CNTNAP5: variants seen among roughly 807,000 people sequenced by gnomAD.
The protein encoded by CNTNAP5 is contactin associated protein family member 5.
A neutral mutation model predicts 150.2 loss-of-function variants in CNTNAP5; 72 were observed. The ratio of observed to expected loss-of-function variants is 0.48; its 90% confidence interval spans 0.40 to 0.58. The LOEUF is 0.58. CNTNAP5 is among the 20% of genes least tolerant of loss of function. The pLI, the probability that CNTNAP5 is intolerant of heterozygous loss-of-function variation, is 0.00. For synonymous variants in CNTNAP5, 672 were observed against 619.8 expected, an observed-to-expected ratio of 1.08 and a Z score of -1.25; for missense variants, 1,636 against 1,626.2, an observed-to-expected ratio of 1.01 and a Z score of -0.10.
intron 3 of CNTNAP5, among the ~76,000 whole-genome samples, chr2:124,389,702 C>T: frequency 6.6e-6 from 1 of 152,166 alleles, no homozygotes. Context: ...TGCAGTGGCT[C>T]ATGCCTGTAA....
Position 124,885,420 on chromosome 2 carries a change from C to T in CNTNAP5, c.3436+15658C>T, listed in dbSNP as rs1225384065. ...CACATCCTCAGACCATTATAATACC[C>T]TCTCTTTATTTTTTATTGAAGTGAA... is the stretch of plus-strand genomic sequence containing the variant. On this transcript the variant is annotated intron_variant, in intron 21 of 23. Transcript: ENST00000682447. Among the ~76,000 whole-genome samples the T allele has an allele frequency of 4.6e-5, 7 of 152,074 alleles. No homozygotes were observed. In the East Asian group the frequency reaches 9.7e-4, roughly 21 times the overall value.
intron 11 of CNTNAP5, among the ~76,000 whole-genome samples, chr2:124,600,731 CAGAG>C (rs374118230): frequency 0.01 from 1,248 of 123,958 alleles, 15 homozygotes; most frequent in African/African-American, 0.028. Context: ...CAACAATACT[CAGAG>C]AGAGAGAGAG....
At chr2:124,160,672 T>C (rs955607478) in intron 1 of CNTNAP5, among the ~76,000 whole-genome samples, 1 of 152,178 alleles carries the variant, frequency 6.6e-6, no homozygotes, top group African/African-American at 2.4e-5. Context: ...ATATACATAA[T>C]GCAGTTTTGA....
At chr2:124,257,493 C>T (rs968902809) in intron 3 of CNTNAP5, among the ~76,000 whole-genome samples, 1 of 152,194 alleles carries the variant, frequency 6.6e-6, no homozygotes, top group Non-Finnish European at 1.5e-5. Flanking sequence ...CTGGAATTCT[C>T]CTTCAAATTC....
intron 7 of CNTNAP5, among the ~76,000 whole-genome samples, chr2:124,476,757 G>A (rs1693649788): frequency 6.6e-6 from 1 of 152,114 alleles, no homozygotes; most frequent in African/African-American, 2.4e-5. Context: ...TGGCTCAGTG[G>A]AAATGGGGCC....
intron 1 of CNTNAP5, among the ~76,000 whole-genome samples, chr2:124,178,839 A>C (rs905179836): frequency 5.9e-5 from 9 of 152,098 alleles, no homozygotes; most frequent in Non-Finnish European, 1.3e-4. Context: ...ATAGCCTGTA[A>C]ATAGATAGCA....
intron 19 of CNTNAP5, among the ~76,000 whole-genome samples, chr2:124,842,865 G>A (rs552917131): frequency 5.3e-5 from 8 of 152,026 alleles, no homozygotes; most frequent in Non-Finnish European, 1.2e-4. Context: ...TGCCTCATGA[G>A]AAATTCTCAA....
intron 21 of CNTNAP5, among the ~76,000 whole-genome samples, chr2:124,883,301 A>G (rs999532020): frequency 6.6e-6 from 1 of 151,890 alleles, no homozygotes; most frequent in Admixed American, 6.6e-5. Flanking sequence ...GGCTCAAGCA[A>G]TCTATGTGTC....
At chr2:124,291,555 T>C (rs1688293724) in intron 3 of CNTNAP5, among the ~76,000 whole-genome samples, 1 of 151,950 alleles carries the variant, frequency 6.6e-6, no homozygotes, top group Non-Finnish European at 1.5e-5. Flanking sequence ...TTTTTTTTTT[T>C]ATATGCGTAG....
At chr2:124,514,861 G>A (rs993726675) in intron 8 of CNTNAP5, among the ~76,000 whole-genome samples, 4 of 152,206 alleles carry the variant, frequency 2.6e-5, no homozygotes, top group Non-Finnish European at 4.4e-5. Context: ...AAAAGATGAA[G>A]CAGAGTTTTG....
chr2:124,635,529 G>A (rs1298133252), intron 12 of CNTNAP5, among the ~76,000 whole-genome samples: 2 of 152,186 alleles, frequency 1.3e-5, no homozygotes, highest in Non-Finnish European at 1.5e-5. Context: ...GATGCAATGA[G>A]AAGGTCCATC....
chr2:124,156,810 G>A (rs999267760), intron 1 of CNTNAP5, among the ~76,000 whole-genome samples: 1 of 152,132 alleles, frequency 6.6e-6, no homozygotes, highest in Non-Finnish European at 1.5e-5. Context: ...ATTTTTGAGA[G>A]TTCACAGAGC....
At chr2:124,606,078 A>G (rs1187312562) in intron 11 of CNTNAP5, among the ~76,000 whole-genome samples, 1 of 152,236 alleles carries the variant, frequency 6.6e-6, no homozygotes, top group Admixed American at 6.5e-5. Context: ...TTAGCAATTT[A>G]TATGTAGAAA....
intron 3 of CNTNAP5, among the ~76,000 whole-genome samples, chr2:124,405,651 T>C (rs1357213110): frequency 1.3e-5 from 2 of 152,232 alleles, no homozygotes; most frequent in African/African-American, 2.4e-5. Flanking sequence ...TGTGATCAAA[T>C]GAATTGATGA....
At chr2:124,379,176 C>T (rs1043204655) in intron 3 of CNTNAP5, among the ~76,000 whole-genome samples, 2 of 151,406 alleles carry the variant, frequency 1.3e-5, no homozygotes, top group East Asian at 2.0e-4. Context: ...TGCATTGACA[C>T]ATCATTATCA....
chr2:124,735,649 C>A (rs144432701), intron 13 of CNTNAP5, among the ~76,000 whole-genome samples: 3 of 152,020 alleles, frequency 2.0e-5, no homozygotes, highest in Non-Finnish European at 4.4e-5. Flanking sequence ...CTCTTTTATT[C>A]CCTTCTCTAA....
chr2:124,743,932 G>A (rs977599075), intron 13 of CNTNAP5, among the ~76,000 whole-genome samples: 5 of 152,134 alleles, frequency 3.3e-5, no homozygotes, highest in African/African-American at 1.2e-4. Context: ...TTTTCCAGAT[G>A]GCCACAGGTG....
intron 1 of CNTNAP5, among the ~76,000 whole-genome samples, chr2:124,099,804 G>A (rs1036601674): frequency 6.6e-6 from 1 of 151,932 alleles, no homozygotes; most frequent in African/African-American, 2.4e-5. Flanking sequence ...GGGGGGCAGG[G>A]GGTGCCACAC....
chr2:124,902,559 A>G (rs1026145209), intron 21 of CNTNAP5, among the ~76,000 whole-genome samples: 58 of 152,198 alleles, frequency 3.8e-4, no homozygotes, highest in South Asian at 2.1e-4. Context: ...TTTATAAAGC[A>G]CCTAAAATAC....
Sources: gnomAD v4.1 joint callset for allele counts (sites outside exome capture counted in the v4.1 genomes callset) on GRCh38, gnomAD v4.1.1 for gene constraint, MANE v1.5 for transcripts, NCBI Gene and HGNC (gene_info 2026-07-23, HGNC 2026-07-21) for gene names.